The following KCNQ1OT1 variants were observed in gnomAD, a reference collection of about 807,000 sequenced individuals.
KCNQ1OT1 encodes the protein KCNQ1 opposite strand/antisense transcript 1, also known as KCNQ1 antisense RNA 2 (non-protein coding).
exon 1 of KCNQ1OT1, chr11:2,615,211 T>C (rs1300194332): frequency 7.5e-6 from 3 of 398,086 alleles, no homozygotes; most frequent in African/African-American, 6.2e-5. Context: ...ATTCCTGGTA[T>C]ATAGAGGCAC....
exon 1 of KCNQ1OT1, chr11:2,665,001 G>C: frequency 2.5e-6 from 1 of 398,648 alleles, no homozygotes; most frequent in East Asian, 3.6e-5. Context: ...TCCTCTTTCC[G>C]GGGCCTGTTA....
At chr11:2,633,399 G>GC in exon 1 of KCNQ1OT1, 2 of 398,328 alleles carry the variant, frequency 5.0e-6, no homozygotes, top group Non-Finnish European at 8.9e-6. Context: ...GTCTATTTTT[G>GC]TTTTTGTTGC....
Position 2,661,500 on chromosome 11 carries a change from A to C in KCNQ1OT1, n.38495T>G, listed in dbSNP as rs912024880. 5.7e-5 allele frequency: 25 copies of C among 442,052 alleles called. 1 individual carries two copies. The highest frequency in any genetic ancestry group is 2.8e-5 in the Non-Finnish European group (7 of 251,606). 27.4% of individuals were successfully genotyped at this position (442,052 alleles called of 1,614,324 possible). ...CCACCTCCCAGGCTTGCCATTCCTC[A>C]TGGGTCAGAGGTCCTATCACCCCAT... On this transcript the variant is annotated non_coding_transcript_exon_variant, in exon 1 of 1. Coordinates refer to ENST00000597346, the Ensembl canonical transcript of KCNQ1OT1. This position sits in a 1 kb window ranked among gnomAD's most constrained non-coding sequence, Gnocchi z 5.9.
Position 2,670,664 on chromosome 11 carries a change from A to G in KCNQ1OT1, n.29331T>C. On this transcript the variant is annotated non_coding_transcript_exon_variant, in exon 1 of 1. Coordinates refer to ENST00000597346, the Ensembl canonical transcript of KCNQ1OT1. The surrounding 1 kb of genome is among the most constrained non-coding windows in gnomAD (Gnocchi z 4.9). ...GCCAGGATGAACCCTGAAGATTGGT[A>G]GGAAGGCAGTGTAGCAGTAACAAGA... 5.0e-6 allele frequency: 2 copies of G among 398,646 alleles called. No homozygotes were observed. Among genetic ancestry groups the G allele is most frequent in the Non-Finnish European group, 4.4e-6 (1 of 226,120 alleles). The allele number at this position is 398,646 out of a possible 1,614,324, so 24.7% of individuals were successfully genotyped here.
exon 1 of KCNQ1OT1, chr11:2,637,546 A>G (rs1849494116): frequency 6.6e-6 from 1 of 152,194 alleles, no homozygotes; most frequent in African/African-American, 2.4e-5. Context: ...GTGGTCTGAG[A>G]GACAGTTTGT....
In KCNQ1OT1 at chr11:2,679,995, G is replaced by A; in HGVS notation, n.20000C>T. The A allele has an allele frequency of 7.6e-6, 3 of 396,936 alleles. No homozygotes were observed. The highest frequency in any genetic ancestry group is 6.3e-4 in the Middle Eastern group (1 of 1,578). 24.6% of individuals were successfully genotyped at this position (396,936 alleles called of 1,614,324 possible). ...TGCAACCTCTACCTCCTGGGTTCAA[G>A]CAATTCTCCTGCCTTAGCCTCCCTA... On this transcript the variant is annotated non_coding_transcript_exon_variant, in exon 1 of 1. Transcript: ENST00000597346. The surrounding 1 kb of genome is among the most constrained non-coding windows in gnomAD (Gnocchi z 4.8).
exon 1 of KCNQ1OT1, chr11:2,619,307 G>A: frequency 2.5e-6 from 1 of 398,386 alleles, no homozygotes; most frequent in Non-Finnish European, 4.4e-6. Flanking sequence ...CGTTAGCTGT[G>A]GGCTTTTCAT....
Position 2,620,926 on chromosome 11 carries a change from T to G in KCNQ1OT1, n.79069A>C, listed in dbSNP as rs982294779. 1.3e-4 allele frequency: 51 copies of G among 380,014 alleles called. No individual in the cohort carries two copies. The South Asian group carries it at 1.4e-3, about 10-fold the overall frequency. The allele number at this position is 380,014 out of a possible 1,614,324, so 23.5% of individuals were successfully genotyped here. A position where few individuals can be genotyped will look rare whatever the true frequency, so the allele number is the denominator to read the frequency against. On this transcript the variant is annotated non_coding_transcript_exon_variant, in exon 1 of 1. Transcript: ENST00000597346. This position sits in a 1 kb window ranked among gnomAD's most constrained non-coding sequence, Gnocchi z 4.5. Reference sequence around the variant, plus strand: ...GCATCCCATTATGGTTTGGTGTTTTTTTGTTGTTGTTGTTTTGTTTTGTTT... The same window carrying G: ...GCATCCCATTATGGTTTGGTGTTTTGTTGTTGTTGTTGTTTTGTTTTGTTT...
At position 2,611,557 on chromosome 11, in the gene KCNQ1OT1, G is replaced by C. The variant is rs953411391; in HGVS notation, n.88438C>G. The C allele has an allele frequency of 2.5e-6, 1 of 398,358 alleles. No individual in the cohort carries two copies. Among genetic ancestry groups the C allele is most frequent in the Admixed American group, 4.4e-5 (1 of 22,702 alleles). The allele number at this position is 398,358 out of a possible 1,614,324, so 24.7% of individuals were successfully genotyped here. On this transcript the variant is annotated non_coding_transcript_exon_variant, in exon 1 of 1. Coordinates refer to ENST00000597346, the Ensembl canonical transcript of KCNQ1OT1. The surrounding 1 kb of genome is among the most constrained non-coding windows in gnomAD (Gnocchi z 5.3). ...CAGTCACTCTAGCTTTCTTATTACT[G>C]TTTGCATGTCATCTTTTTCCATCAT...
chr11:2,662,435 G>A (rs1849978389), exon 1 of KCNQ1OT1: 1 of 502,548 alleles, frequency 2.0e-6, no homozygotes, highest in Non-Finnish European at 3.5e-6. Context: ...TTTCCCCATG[G>A]AACCCTGGCC....
chr11:2,652,781 G>A lies in KCNQ1OT1; in HGVS notation n.47214C>T, dbSNP rs1236625235. 1.8e-5 allele frequency: 7 copies of A among 398,948 alleles called. No individual in the cohort carries two copies. Among genetic ancestry groups the A allele is most frequent in the African/African-American group, 1.0e-4 (5 of 48,620 alleles). 24.7% of individuals were successfully genotyped at this position (398,948 alleles called of 1,614,324 possible). A position where few individuals can be genotyped will look rare whatever the true frequency, so the allele number is the denominator to read the frequency against. On this transcript the variant is annotated non_coding_transcript_exon_variant, in exon 1 of 1. Coordinates refer to ENST00000597346, the Ensembl canonical transcript of KCNQ1OT1. The surrounding 1 kb of genome is among the most constrained non-coding windows in gnomAD (Gnocchi z 5.9). ...ACTGCCTGTCTTCCTCAGCGCCCCC[G>A]CTACTCAGACCCCACCCTTGGGCCT... is the stretch of plus-strand genomic sequence containing the variant.
rs192073911 is a variant in KCNQ1OT1 at position 2,614,280 on chromosome 11, G to A, written n.85715C>T. 2.3e-5 allele frequency: 9 copies of A among 398,556 alleles called. No homozygotes were observed. In the Admixed American group the frequency reaches 4.0e-4, roughly 18 times the overall value. 24.7% of individuals were successfully genotyped at this position (398,556 alleles called of 1,614,324 possible). On this transcript the variant is annotated non_coding_transcript_exon_variant, in exon 1 of 1. Transcript: ENST00000597346. Reference sequence around the variant, plus strand: ...ATTTCTGACATGTGTTCTCCATGTTGACATTTAATATAGAGTCTTCTTTTT... The same window carrying A: ...ATTTCTGACATGTGTTCTCCATGTTAACATTTAATATAGAGTCTTCTTTTT...
At chr11:2,688,978 C>A in exon 1 of KCNQ1OT1, 1 of 398,784 alleles carries the variant, frequency 2.5e-6, no homozygotes, top group Admixed American at 4.4e-5. Flanking sequence ...GGGGTCTGAT[C>A]TGGAGAGCAG....
exon 1 of KCNQ1OT1, chr11:2,656,072 T>C (rs1239178167): frequency 5.0e-6 from 2 of 398,556 alleles, no homozygotes; most frequent in African/African-American, 2.1e-5. Flanking sequence ...GCTTTGGAGA[T>C]GGGCACTTGT....
At chr11:2,629,948 C>A (rs1310737425) in exon 1 of KCNQ1OT1, 2 of 398,266 alleles carry the variant, frequency 5.0e-6, no homozygotes, top group Non-Finnish European at 8.9e-6. Context: ...GCTAGGACTT[C>A]CAGTACTGTG....
chr11:2,699,018 A>G, exon 1 of KCNQ1OT1: 1 of 398,558 alleles, frequency 2.5e-6, no homozygotes, highest in Non-Finnish European at 4.4e-6. Flanking sequence ...ACTCAGAACC[A>G]CTAAGTGGAT....
At chr11:2,641,956 A>C (rs1185879868) in exon 1 of KCNQ1OT1, 1 of 398,326 alleles carries the variant, frequency 2.5e-6, no homozygotes, top group East Asian at 3.6e-5. Flanking sequence ...ACATGGATTT[A>C]CTTCCAGGTT....
chr11:2,635,031 T>C (rs1015935008), exon 1 of KCNQ1OT1: 3 of 152,210 alleles, frequency 2.0e-5, no homozygotes. Flanking sequence ...ATAGGGTTGT[T>C]TGTTTTTTCT....
exon 1 of KCNQ1OT1, chr11:2,628,514 A>G (rs954536154): frequency 2.5e-6 from 1 of 398,288 alleles, no homozygotes; most frequent in African/African-American, 2.1e-5. Flanking sequence ...TGCTAGTTAT[A>G]TGAGTTCCTT....
Sources: gnomAD v4.1 joint callset for allele counts on GRCh38, gnomAD v4.1.1 for gene constraint, Gnocchi (gnomAD v3.1) non-coding constraint, MANE v1.5 for transcripts, NCBI Gene and HGNC (gene_info 2026-07-23, HGNC 2026-07-21) for gene names.